KCNH6: variants seen among roughly 807,000 people sequenced by gnomAD.
KCNH6 encodes voltage-gated inwardly rectifying potassium channel KCNH6.
A neutral mutation model predicts 83.4 loss-of-function variants in KCNH6; 81 were observed. That is an observed-to-expected ratio of 0.97 (90% CI 0.81 to 1.17). The LOEUF is 1.17. Among genes scored for constraint, KCNH6 ranks in the 50% most tolerant of loss-of-function variants. The pLI, the probability that KCNH6 is intolerant of heterozygous loss-of-function variation, is 0.00. For synonymous variants in KCNH6, 503 were observed against 545.6 expected (o/e 0.92, Z 1.09); for missense variants, 1,203 against 1,290.5 (o/e 0.93, Z 1.04).
chr17:63,545,375 C>A, intron 12 of KCNH6, 111 bp downstream of exon 12: 5 of 1,192,398 alleles, frequency 4.2e-6, no homozygotes, highest in Non-Finnish European at 5.9e-6. Flanking sequence ...GGCCCCAGAG[C>A]AGCCAGGGCT....
chr17:63,544,561 CAAT>C (rs2033052132), intron 11 of KCNH6, 150 bp downstream of exon 11: 1 of 625,462 alleles, frequency 1.6e-6, no homozygotes, highest in South Asian at 3.8e-5. Flanking sequence ...ACAATTCCCC[CAAT>C]GACTTCCCCT....
In KCNH6 at chr17:63,524,212, A is replaced by C. The variant is rs2031540788; in HGVS notation, c.150A>C (p.Glu50Asp). Residue 50 changes from glutamate (E) to aspartate (D), a missense_variant, in exon 2 of 13, where the codon GAA (glutamate) becomes GAC (aspartate). By Grantham distance (45) the Glu-to-Asp change is conservative. Transcript: ENST00000314672. ...TTTACTGCAACGACGGCTTCTGCGAACTCTTCGGCTACTCCCGAGTGGAGG... is the reference window on the plus strand; with the variant it reads ...TTTACTGCAACGACGGCTTCTGCGACCTCTTCGGCTACTCCCGAGTGGAGG... Reference protein sequence around the residue: ...AIIYCNDGFCELFGYSRVEVM... With the variant: ...AIIYCNDGFCDLFGYSRVEVM... 5 of 1,613,818 alleles carry C rather than the reference A, an allele frequency of 3.1e-6. No individual in the cohort carries two copies. Among genetic ancestry groups the C allele is most frequent in the South Asian group, 2.2e-5 (2 of 91,080 alleles).
chr17:63,526,882 G>A (rs1489912799), intron 2 of KCNH6, among the ~76,000 whole-genome samples: 3 of 152,192 alleles, frequency 2.0e-5, no homozygotes, highest in Non-Finnish European at 2.9e-5. Flanking sequence ...TACCCCGGGA[G>A]ACATCTCAGA....
chr17:63,535,921 G>A lies in KCNH6; in HGVS notation c.1354G>A (p.Asp452Asn), dbSNP rs769120237. 6.2e-6 allele frequency: 10 copies of A among 1,613,856 alleles called. No individual in the cohort carries two copies. The East Asian group carries it at 6.7e-5, about 11-fold the overall frequency. Residue 452 changes from aspartate to asparagine, a missense_variant, in exon 6 of 13, where the codon GAC (aspartate) becomes AAC (asparagine). Physicochemically the swap from Asp to Asn is conservative, Grantham distance 23 (BLOSUM62 1). Coordinates refer to ENST00000314672, the MANE Select transcript of KCNH6 (RefSeq NM_001278919.2). The surrounding 1 kb of genome is among the most constrained non-coding windows in gnomAD (Gnocchi z 4.9). ...GCTTGGCAAGCGCTACAACGGCAGC[G>A]ACCCAGCCTCGGGCCCCTCGGTGCA... is the stretch of plus-strand genomic sequence containing the variant. Reference protein sequence around the residue: ...VQLGKRYNGSDPASGPSVQDK... With the variant: ...VQLGKRYNGSNPASGPSVQDK...
chr17:63,537,754 T>G (rs973281078), intron 6 of KCNH6, among the ~76,000 whole-genome samples: 13 of 151,736 alleles, frequency 8.6e-5, no homozygotes, highest in Non-Finnish European at 1.6e-4. Flanking sequence ...TTATCTTTAT[T>G]GTATTTTTAC....
chr17:63,542,173 G>T, intron 8 of KCNH6, 68 bp from the exon 9 acceptor site: 1 of 1,550,140 alleles, frequency 6.5e-7, no homozygotes. Context: ...GGAGGTCACG[G>T]TCAAAGGACC....
rs1310298011 is a variant in KCNH6 at position 63,534,872 on chromosome 17, AG to A, written c.1101+566del. 2.6e-5 allele frequency among the ~76,000 whole-genome samples: 4 copies of A among 152,032 alleles called. No homozygotes were observed. The highest frequency in any genetic ancestry group is 9.7e-5 in the African/African-American group (4 of 41,360). ...CCCTTATCACCCCAGCCTGTCCAGC[AG>A]GGGGTGTCCAGCAGGGCTCCTCTGC... On this transcript the variant is annotated intron_variant, in intron 5 of 12. Coordinates refer to ENST00000314672, the MANE Select transcript of KCNH6 (RefSeq NM_001278919.2). The surrounding 1 kb of genome is among the most constrained non-coding windows in gnomAD (Gnocchi z 5.0).
rs756207231 is a variant in KCNH6 at position 63,542,373 on chromosome 17, T to C, written c.2087T>C (p.Met696Thr). The change falls in exon 9 of 13, where the codon ATG (methionine) becomes ACG (threonine). Residue 696 changes from methionine (M) to threonine (T), a missense_variant. Transcript: ENST00000314672. ...QRADLLEVLDMYPAFAESFWS... is the reference protein window; with the variant it reads ...QRADLLEVLDTYPAFAESFWS... ...GCAGATCTGCTGGAGGTGCTGGACATGTACCCGGCCTTTGCGGAGAGCTTC... is the reference window on the plus strand; with the variant it reads ...GCAGATCTGCTGGAGGTGCTGGACACGTACCCGGCCTTTGCGGAGAGCTTC... 1.2e-6 allele frequency: 2 copies of C among 1,614,072 alleles called. No individual in the cohort carries two copies. Among genetic ancestry groups the C allele is most frequent in the Non-Finnish European group, 8.5e-7 (1 of 1,180,052 alleles).
chr17:63,533,170 A>T lies in KCNH6; in HGVS notation c.676-716A>T, dbSNP rs1339837620. ...GGGCATGTTGTGCTGGGACCTAGAG[A>T]TCCTGGGTTGATCACAGTCTTGGAG... On this transcript the variant is annotated intron_variant, in intron 4 of 12. Coordinates refer to ENST00000314672, the MANE Select transcript of KCNH6 (RefSeq NM_001278919.2). This position sits in a 1 kb window ranked among gnomAD's most constrained non-coding sequence, Gnocchi z 4.1. Among the ~76,000 whole-genome samples the T allele has an allele frequency of 1.3e-5, 2 of 149,176 alleles. No homozygotes were observed. The highest frequency in any genetic ancestry group is 3.0e-5 in the Non-Finnish European group (2 of 67,490).
chr17:63,537,992 A>G (rs1172515668), intron 6 of KCNH6, 73 bp from the exon 7 acceptor site: 3 of 1,447,440 alleles, frequency 2.1e-6, no homozygotes, highest in Non-Finnish European at 2.8e-6. Context: ...TGGAAGGAGG[A>G]AGACCTGGGT....
chr17:63,536,732 G>A lies in KCNH6; in HGVS notation c.1501+664G>A, dbSNP rs565451942. ...AGCACTTTGGGAGGCCGAGGTGGGC[G>A]GATCATGAGGTCAGGAGTTCAAGAC... On this transcript the variant is annotated intron_variant, in intron 6 of 12. Coordinates refer to ENST00000314672, the MANE Select transcript of KCNH6 (RefSeq NM_001278919.2). Among the ~76,000 whole-genome samples the A allele has an allele frequency of 5.3e-5, 8 of 151,902 alleles. No homozygotes were observed. The East Asian group carries it at 9.7e-4, about 18-fold the overall frequency.
At chr17:63,524,085 C>G (rs2031526230) in intron 1 of KCNH6, 54 bp from the exon 2 acceptor site, 8 of 1,278,052 alleles carry the variant, frequency 6.3e-6, no homozygotes, top group Non-Finnish European at 9.1e-6. Flanking sequence ...CTTTCCCTCC[C>G]AGCCGCTGGA....
At chr17:63,526,390 C>CT (rs11316766) in intron 2 of KCNH6, among the ~76,000 whole-genome samples, 2,704 of 134,648 alleles carry the variant, frequency 0.02, 41 homozygotes, top group Non-Finnish European at 0.027. Context: ...TCATATAATC[C>CT]TTTTTTTTTT....
chr17:63,526,818 C>A (rs2031746535), intron 2 of KCNH6, among the ~76,000 whole-genome samples: 1 of 152,170 alleles, frequency 6.6e-6, no homozygotes, highest in Non-Finnish European at 1.5e-5. Flanking sequence ...CATAGCTCCA[C>A]GTTGTGCAGC....
At position 63,538,191 on chromosome 17, in the gene KCNH6, A is replaced by G. The variant is rs1274090094; in HGVS notation, c.1628A>G (p.Asn543Ser). 6.2e-7 allele frequency: 1 copy of G among 1,614,026 alleles called. No homozygotes were observed. The highest frequency in any genetic ancestry group is 2.2e-5 in the East Asian group (1 of 44,860). ...KEFIRFHQIP[N>S]PLRQRLEEYF... ...TTCATCCGCTTCCACCAGATCCCCA[A>G]CCCACTGCGCCAGCGCCTGGAGGAG... The change falls in exon 7 of 13, where the codon AAC (asparagine) becomes AGC (serine). Residue 543 changes from asparagine to serine, a missense_variant. Asn to Ser is a conservative substitution (Grantham distance 46). Transcript: ENST00000314672. This position sits in a 1 kb window ranked among gnomAD's most constrained non-coding sequence, Gnocchi z 4.0.
chr17:63,532,985 C>T (rs1215612399), intron 4 of KCNH6, among the ~76,000 whole-genome samples: 3 of 152,174 alleles, frequency 2.0e-5, no homozygotes, highest in African/African-American at 4.8e-5. Context: ...TTCCATTTTG[C>T]AGATGAGGGA....
chr17:63,535,532 G>T lies in KCNH6; in HGVS notation c.1102-137G>T. On this transcript the variant is annotated intron_variant, in intron 5 of 12. Coordinates refer to ENST00000314672, the MANE Select transcript of KCNH6 (RefSeq NM_001278919.2). This position sits in a 1 kb window ranked among gnomAD's most constrained non-coding sequence, Gnocchi z 4.9. ...CCCATACTGTGCCACACTGCCAAGT[G>T]CGTGGCCCGGAGGAAGTTCTCCATA... The T allele has an allele frequency of 1.3e-6, 1 of 762,274 alleles. No individual in the cohort carries two copies. Among genetic ancestry groups the T allele is most frequent in the Non-Finnish European group, 2.1e-6 (1 of 477,588 alleles). 47.2% of individuals were successfully genotyped at this position (762,274 alleles called of 1,614,324 possible). A position where few individuals can be genotyped will look rare whatever the true frequency, so the allele number is the denominator to read the frequency against.
chr17:63,538,453 T>A lies in KCNH6; in HGVS notation c.1745T>A (p.Leu582Gln), dbSNP rs760878383. 24 of 1,603,782 alleles carry A rather than the reference T, an allele frequency of 1.5e-5. No homozygotes were observed. Among genetic ancestry groups the A allele is most frequent in the Non-Finnish European group, 1.9e-5 (22 of 1,175,780 alleles). ...FPECLQADIC[L>Q]HLHRALLQHC... ...GAGTGCCTGCAGGCTGACATCTGCC[T>A]GCACCTGCACCGCGCACTGCTGCAG... The change falls in exon 8 of 13, where the codon CTG becomes CAG. Residue 582 changes from leucine (L) to glutamine (Q), a missense_variant. Leu to Gln is a moderately radical substitution (Grantham distance 113). Coordinates refer to ENST00000314672, the MANE Select transcript of KCNH6 (RefSeq NM_001278919.2). The surrounding 1 kb of genome is among the most constrained non-coding windows in gnomAD (Gnocchi z 4.0).
intron 8 of KCNH6, among the ~76,000 whole-genome samples, chr17:63,541,541 C>T (rs1344850625): frequency 6.6e-6 from 1 of 152,118 alleles, no homozygotes; most frequent in Non-Finnish European, 1.5e-5. Context: ...AATCCACTAC[C>T]CTCAGCCTCC....
Sources: allele counts gnomAD v4.1 joint callset (sites outside exome capture counted in the v4.1 genomes callset), GRCh38; gene constraint gnomAD v4.1.1; non-coding constraint Gnocchi (gnomAD v3.1); transcripts MANE v1.5; gene names NCBI Gene and HGNC (gene_info 2026-07-23, HGNC 2026-07-21).